Variants in PTGIS observed in about 807,000 individuals in gnomAD.
PTGIS encodes the protein prostaglandin I2 synthase.
Under a neutral mutation model 50.3 loss-of-function variants are expected in PTGIS, and 45 were observed. That is an observed-to-expected ratio of 0.90 (90% CI 0.70 to 1.15). The LOEUF (loss-of-function observed/expected upper bound fraction) is 1.15, where lower values mean the gene tolerates loss of function less well. PTGIS is among the 50% of genes most tolerant of loss of function. The pLI is 0.00. For missense variants in PTGIS, 668 were observed against 661.3 expected (o/e 1.01, Z -0.11); for synonymous variants, 260 against 267.7 (o/e 0.97, Z 0.28).
chr20:49,511,155 TCAGGAATCGGTTGTATTTA>T lies in PTGIS; in HGVS notation c.1212_1230del (p.Phe404LeufsTer18). The T allele has an allele frequency of 6.2e-7, 1 of 1,614,248 alleles. No individual in the cohort carries two copies. The highest frequency in any genetic ancestry group is 1.1e-5 in the South Asian group (1 of 91,088). ...TCTTTCTTCTCTGATCCGTCAGGGT[TCAGGAATCGGTTGTATTTA>T]AATACCTGAAATAGGAAGAAGGTCC... is the stretch of plus-strand genomic sequence containing the variant. On this transcript the variant is annotated frameshift_variant, in exon 9 of 10. Transcript: ENST00000244043. LOFTEE classifies it high-confidence loss of function.
chr20:49,533,179 A>AG (rs1245942406), intron 5 of PTGIS, among the ~76,000 whole-genome samples: 2 of 152,170 alleles, frequency 1.3e-5, no homozygotes, highest in African/African-American at 2.4e-5. Context: ...AAAGCCCTCT[A>AG]GGCCCTCTAG....
intron 4 of PTGIS, among the ~76,000 whole-genome samples, chr20:49,541,674 C>T (rs1349154138): frequency 6.6e-6 from 1 of 151,862 alleles, no homozygotes; most frequent in African/African-American, 2.4e-5. Context: ...GAGGTTGCAG[C>T]GAGCAGAGAT....
rs76475284 is a variant in PTGIS at position 49,543,934 on chromosome 20, A to G, written c.521+371T>C. Among the ~76,000 whole-genome samples the G allele has an allele frequency of 8.4e-3, 1,278 of 152,312 alleles. 18 individuals are homozygous for G. Among genetic ancestry groups the G allele is most frequent in the African/African-American group, 0.03 (1,230 of 41,568 alleles). ...TTCGGTTGTGCAGTTTTTAACATAC[A>G]TTTACAAGACCAGATAAAAGGTTAA... On this transcript the variant is annotated intron_variant, in intron 4 of 9. Coordinates refer to ENST00000244043, the MANE Select transcript of PTGIS (RefSeq NM_000961.4).
intron 5 of PTGIS, among the ~76,000 whole-genome samples, chr20:49,535,981 A>G (rs1982058467): frequency 6.6e-6 from 1 of 152,230 alleles, no homozygotes; most frequent in Admixed American, 6.5e-5. Flanking sequence ...GATGTCTATA[A>G]TTGGTTTCTC....
rs1022758371 is a variant in PTGIS, at chr20:49,540,708, G to T, written c.522-987C>A. ...ACACAGGACCACGCTCAGAGGACGCGCCTTCACCTCCAGCCCCCTTTAAAT... is the reference window on the plus strand; with the variant it reads ...ACACAGGACCACGCTCAGAGGACGCTCCTTCACCTCCAGCCCCCTTTAAAT... On this transcript the variant is annotated intron_variant, in intron 4 of 9. Coordinates refer to ENST00000244043, the MANE Select transcript of PTGIS (RefSeq NM_000961.4). The surrounding 1 kb of genome is among the most constrained non-coding windows in gnomAD (Gnocchi z 4.8). 6.6e-6 allele frequency among the ~76,000 whole-genome samples: 1 copy of T among 152,146 alleles called. No homozygotes were observed. The highest frequency in any genetic ancestry group is 2.4e-5 in the African/African-American group (1 of 41,430).
At chr20:49,549,800 T>A (rs1312853398) in intron 2 of PTGIS, among the ~76,000 whole-genome samples, 1 of 152,128 alleles carries the variant, frequency 6.6e-6, no homozygotes, top group Non-Finnish European at 1.5e-5. Flanking sequence ...GCTGCATGGA[T>A]ATACAAGTAT....
At chr20:49,509,607 G>A (rs1399431573) in intron 9 of PTGIS, among the ~76,000 whole-genome samples, 2 of 152,278 alleles carry the variant, frequency 1.3e-5, no homozygotes, top group Middle Eastern at 3.4e-3. Context: ...GAAACATGAG[G>A]TGAAGACGAA....
chr20:49,533,627 G>A (rs928957098), intron 5 of PTGIS, among the ~76,000 whole-genome samples: 29 of 151,988 alleles, frequency 1.9e-4, no homozygotes, highest in Admixed American at 1.8e-3. Context: ...CCCCTTCTCG[G>A]CCTTCCCAAA....
chr20:49,542,669 T>G (rs1982260058), intron 4 of PTGIS, among the ~76,000 whole-genome samples: 4 of 152,146 alleles, frequency 2.6e-5, no homozygotes, highest in Admixed American at 2.6e-4. Flanking sequence ...GTCCCCATCA[T>G]ACAATGCAGG....
chr20:49,557,019 T>C (rs570765695), intron 1 of PTGIS, among the ~76,000 whole-genome samples: 1 of 152,318 alleles, frequency 6.6e-6, no homozygotes, highest in East Asian at 1.9e-4. Flanking sequence ...ACCTGCCTAC[T>C]GATATACGGA....
In PTGIS at chr20:49,562,515, C is replaced by T. The variant is rs148094838; in HGVS notation, c.74+5528G>A. Among the ~76,000 whole-genome samples the T allele has an allele frequency of 2.6e-3, 403 of 152,330 alleles. 1 individual carries two copies. The highest frequency in any genetic ancestry group is 0.022 in the East Asian group (113 of 5,178). The stretch of plus-strand genomic sequence containing the variant: ...CCAGGGTGACTCAGCCTGCAGCCAG[C>T]GGGGGCGAAGGAGGCTCTGTTTTGG... On this transcript the variant is annotated intron_variant, in intron 1 of 9. Transcript: ENST00000244043.
intron 5 of PTGIS, among the ~76,000 whole-genome samples, chr20:49,529,907 C>T (rs1187280150): frequency 6.6e-6 from 1 of 152,172 alleles, no homozygotes; most frequent in Non-Finnish European, 1.5e-5. Context: ...GTAATCCCAG[C>T]ACTTTGGAAG....
intron 6 of PTGIS, among the ~76,000 whole-genome samples, chr20:49,516,047 T>G (rs1295499059): frequency 1.3e-3 from 198 of 150,680 alleles, no homozygotes; most frequent in African/African-American, 4.7e-3. Flanking sequence ...AGCTAGGTTT[T>G]TTTTTTTTTT....
At chr20:49,559,671 T>C (rs1316628339) in intron 1 of PTGIS, among the ~76,000 whole-genome samples, 3 of 152,146 alleles carry the variant, frequency 2.0e-5, no homozygotes, top group Non-Finnish European at 4.4e-5. Context: ...CTTAAAAACA[T>C]TAAGCCCAGT....
At chr20:49,533,058 G>A (rs949757715) in intron 5 of PTGIS, among the ~76,000 whole-genome samples, 1 of 152,134 alleles carries the variant, frequency 6.6e-6, no homozygotes, top group Non-Finnish European at 1.5e-5. Context: ...TTAAATCCCA[G>A]AGTCCCCATG....
chr20:49,525,549 T>A (rs1981771648), intron 5 of PTGIS, among the ~76,000 whole-genome samples: 1 of 152,010 alleles, frequency 6.6e-6, no homozygotes, highest in Non-Finnish European at 1.5e-5. Flanking sequence ...CACTGAAGAA[T>A]GACACTATTT....
chr20:49,512,812 A>G (rs973585052), intron 8 of PTGIS, among the ~76,000 whole-genome samples: 1 of 152,174 alleles, frequency 6.6e-6, no homozygotes, highest in Non-Finnish European at 1.5e-5. Context: ...GGAGCCAAAG[A>G]GATATCAGAA....
chr20:49,556,351 G>A (rs1218135557), intron 1 of PTGIS, among the ~76,000 whole-genome samples: 1 of 152,174 alleles, frequency 6.6e-6, no homozygotes, highest in Non-Finnish European at 1.5e-5. Context: ...GAACTATAGA[G>A]CTAATAAAAG....
intron 1 of PTGIS, among the ~76,000 whole-genome samples, chr20:49,555,291 G>A (rs1011218468): frequency 6.6e-6 from 1 of 151,738 alleles, no homozygotes; most frequent in African/African-American, 2.4e-5. Flanking sequence ...AAGAATAAAG[G>A]TTTTTGCCTT....
Sources: gnomAD v4.1 joint callset for allele counts (sites outside exome capture counted in the v4.1 genomes callset) on GRCh38, gnomAD v4.1.1 for gene constraint, Gnocchi (gnomAD v3.1) non-coding constraint, MANE v1.5 for transcripts, NCBI Gene and HGNC (gene_info 2026-07-23, HGNC 2026-07-21) for gene names.